ROCK2: variants seen among roughly 807,000 people sequenced by gnomAD.
ROCK2 encodes rho-associated protein kinase 2.
In ROCK2, 61 loss-of-function variants were observed where a neutral mutation model predicts 195.1. The observed-to-expected ratio is 0.31, with a 90% confidence interval of 0.25 to 0.39. The LOEUF (loss-of-function observed/expected upper bound fraction) is 0.39. Ranked by LOEUF, ROCK2 falls within the 10% of genes least tolerant of loss-of-function variation. The pLI is 1.00. For synonymous variants in ROCK2, 504 were observed against 545.5 expected, an observed-to-expected ratio of 0.92 and a Z score of 1.06; for missense variants, 1,109 against 1,637.4, an observed-to-expected ratio of 0.68 and a Z score of 5.57.
intron 1 of ROCK2, among the ~76,000 whole-genome samples, chr2:11,307,126 G>A (rs1338501537): frequency 2.6e-5 from 4 of 152,040 alleles, no homozygotes; most frequent in South Asian, 2.1e-4. Flanking sequence ...ATTATAAAAC[G>A]TACTGAATGG....
intron 3 of ROCK2, among the ~76,000 whole-genome samples, chr2:11,269,416 G>A (rs1272995052): frequency 1.3e-5 from 2 of 151,718 alleles, no homozygotes; most frequent in African/African-American, 4.8e-5. Context: ...GGAGGCTGAG[G>A]CACGAGACTC....
chr2:11,205,965 C>T (rs112551030), intron 20 of ROCK2, among the ~76,000 whole-genome samples: 2,166 of 152,000 alleles, frequency 0.014, 24 homozygotes, highest in Non-Finnish European at 0.025. Context: ...AAAAATAAGC[C>T]GGGCATAGTG....
rs546225871 is a variant in ROCK2, at chr2:11,298,575, G to C, written c.142-10839C>G. Reference sequence around the variant, plus strand: ...TTTCACATACCTTTTCTAATATATTGTATCTTCTCAATCAGGGAGGACATA... The same window carrying C: ...TTTCACATACCTTTTCTAATATATTCTATCTTCTCAATCAGGGAGGACATA... On this transcript the variant is annotated intron_variant, in intron 1 of 32. Transcript: ENST00000315872. Among the ~76,000 whole-genome samples the C allele has an allele frequency of 3.3e-5, 5 of 149,288 alleles. No individual in the cohort carries two copies. The South Asian group carries it at 1.1e-3, about 32-fold the overall frequency.
At chr2:11,306,367 T>C (rs554197599) in intron 1 of ROCK2, among the ~76,000 whole-genome samples, 5 of 152,334 alleles carry the variant, frequency 3.3e-5, no homozygotes, top group East Asian at 3.9e-4. Flanking sequence ...TATTATAATA[T>C]GTAAACTTTA....
rs1348513632 is a variant in ROCK2, at chr2:11,344,199, G to A, written c.-63C>T. The A allele has an allele frequency of 7.4e-6, 10 of 1,353,420 alleles. No homozygotes were observed. Among genetic ancestry groups the A allele is most frequent in the Non-Finnish European group, 9.5e-6 (10 of 1,056,886 alleles). The allele number at this position is 1,353,420 out of a possible 1,614,324, so 83.8% of individuals were successfully genotyped here. On this transcript the variant is annotated 5_prime_UTR_variant, in exon 1 of 33. Transcript: ENST00000315872. The surrounding 1 kb of genome is among the most constrained non-coding windows in gnomAD (Gnocchi z 5.4). ...TCAGGTCCCGCAGCCTCGGGGCCTA[G>A]CACCGCCCCCGAACCACCAGCTCCG...
At chr2:11,187,618 A>G (rs904348049) in intron 32 of ROCK2, among the ~76,000 whole-genome samples, 4 of 152,148 alleles carry the variant, frequency 2.6e-5, no homozygotes, top group African/African-American at 9.7e-5. Flanking sequence ...TTTTTTCTCA[A>G]TGATTTATAA....
chr2:11,258,734 T>G (rs1465934443), intron 3 of ROCK2, among the ~76,000 whole-genome samples: 2 of 151,062 alleles, frequency 1.3e-5, no homozygotes, highest in Admixed American at 1.3e-4. Context: ...TAGGGTGGGT[T>G]GTGAATGCAG....
intron 17 of ROCK2, among the ~76,000 whole-genome samples, chr2:11,212,331 C>G (rs1431052249): frequency 6.6e-6 from 1 of 151,988 alleles, no homozygotes; most frequent in Non-Finnish European, 1.5e-5. Flanking sequence ...CCCACTGTAC[C>G]CAACAGTCTA....
In ROCK2 at chr2:11,192,733, A is replaced by G. The variant is rs751429653; in HGVS notation, c.3688-21T>C. 2.6e-5 allele frequency: 41 copies of G among 1,589,534 alleles called. No homozygotes were observed. Among genetic ancestry groups the G allele is most frequent in the Non-Finnish European group, 3.2e-5 (37 of 1,168,040 alleles). ...AGAATCTATGAATGCCAAAAGAACAATAAGTGATTTCCAAACATGCTATTT... is the reference window on the plus strand; with the variant it reads ...AGAATCTATGAATGCCAAAAGAACAGTAAGTGATTTCCAAACATGCTATTT... On this transcript the variant is annotated intron_variant, in intron 30 of 32. Coordinates refer to ENST00000315872, the MANE Select transcript of ROCK2 (RefSeq NM_004850.5). This position sits in a 1 kb window ranked among gnomAD's most constrained non-coding sequence, Gnocchi z 5.0.
chr2:11,277,484 CAATCATTCCCCTCA>C (rs1666865457), intron 3 of ROCK2, among the ~76,000 whole-genome samples: 1 of 152,186 alleles, frequency 6.6e-6, no homozygotes, highest in Admixed American at 6.5e-5. Context: ...TGCACCCCTC[CAATCATTCCCCTCA>C]AGTCCCCAAA....
rs1558286072 is a variant in ROCK2, at chr2:11,201,442, T to C, written c.2620-29A>G. 3.5e-6 allele frequency: 4 copies of C among 1,139,030 alleles called. No homozygotes were observed. Among genetic ancestry groups the C allele is most frequent in the East Asian group, 2.3e-5 (1 of 42,580 alleles). 70.6% of individuals were successfully genotyped at this position (1,139,030 alleles called of 1,614,324 possible). ...AATAGCAAAATACAACAGAAATGCGTATCATCATCAGAAATATTACTTCTA... is the reference window on the plus strand; with the variant it reads ...AATAGCAAAATACAACAGAAATGCGCATCATCATCAGAAATATTACTTCTA... On this transcript the variant is annotated intron_variant, in intron 21 of 32. Coordinates refer to ENST00000315872, the MANE Select transcript of ROCK2 (RefSeq NM_004850.5). This position sits in a 1 kb window ranked among gnomAD's most constrained non-coding sequence, Gnocchi z 4.6.
chr2:11,338,492 T>A (rs945352142), intron 1 of ROCK2, among the ~76,000 whole-genome samples: 1 of 152,242 alleles, frequency 6.6e-6, no homozygotes, highest in Non-Finnish European at 1.5e-5. Flanking sequence ...TTAGGCATTG[T>A]AAGTAATCTA....
chr2:11,333,899 T>C (rs1370093594), intron 1 of ROCK2, among the ~76,000 whole-genome samples: 1 of 152,044 alleles, frequency 6.6e-6, no homozygotes, highest in Non-Finnish European at 1.5e-5. Context: ...ATATAAATAA[T>C]AAAAAGCTGT....
At chr2:11,343,759 G>A (rs1179807610) in intron 1 of ROCK2, among the ~76,000 whole-genome samples, 2 of 152,214 alleles carry the variant, frequency 1.3e-5, no homozygotes, top group African/African-American at 4.8e-5. Flanking sequence ...TGCAAGAAAG[G>A]AGCAGCCGGG....
chr2:11,338,264 T>C (rs144414076), intron 1 of ROCK2, among the ~76,000 whole-genome samples: 12 of 152,218 alleles, frequency 7.9e-5, no homozygotes, highest in African/African-American at 1.7e-4. Flanking sequence ...GGAAGGATCA[T>C]TGAGACCAGG....
intron 4 of ROCK2, among the ~76,000 whole-genome samples, chr2:11,243,521 T>C (rs1665504453): frequency 6.6e-6 from 1 of 152,198 alleles, no homozygotes; most frequent in African/African-American, 2.4e-5. Flanking sequence ...TGTATTAGTA[T>C]GTACTCCTGA....
intron 28 of ROCK2, 27 bp from the exon 29 acceptor site, chr2:11,194,371 A>G: frequency 1.0e-6 from 1 of 987,938 alleles, no homozygotes; most frequent in South Asian, 2.4e-5. Flanking sequence ...AAAAGAAATC[A>G]GTAATTCAAG....
At chr2:11,189,650 T>C (rs530850533) in intron 32 of ROCK2, among the ~76,000 whole-genome samples, 1 of 152,274 alleles carries the variant, frequency 6.6e-6, no homozygotes, top group African/African-American at 2.4e-5. Flanking sequence ...CTATATACCA[T>C]TCAATTTGTA....
At chr2:11,234,170 G>A (rs1207893240) in intron 5 of ROCK2, 1 of 152,006 alleles carries the variant, frequency 6.6e-6, no homozygotes, top group Non-Finnish European at 1.5e-5. Flanking sequence ...GTTTTACTTT[G>A]CCTTATAAAG....
Sources: allele counts gnomAD v4.1 joint callset (sites outside exome capture counted in the v4.1 genomes callset), GRCh38; gene constraint gnomAD v4.1.1; non-coding constraint Gnocchi (gnomAD v3.1); transcripts MANE v1.5; gene names NCBI Gene and HGNC (gene_info 2026-07-23, HGNC 2026-07-21).